DACH2: variants seen among roughly 807,000 people sequenced by gnomAD.
DACH2 encodes the protein dachshund homolog 2.
DACH2 carries 17 observed loss-of-function variants against 35.8 expected under a neutral mutation model. The ratio of observed to expected loss-of-function variants is 0.48; its 90% CI spans 0.33 to 0.71. The LOEUF is 0.71. Among genes scored for constraint, DACH2 ranks in the 30% least tolerant of loss-of-function variants. DACH2 has a pLI of 0.02. For synonymous variants in DACH2, 195 were observed against 177.3 expected (o/e 1.10, Z -0.79); for missense variants, 469 against 472.7 (o/e 0.99, Z 0.07).
chrX:86,710,983 G>T (rs150630191), intron 5 of DACH2, among the ~76,000 whole-genome samples: 1 of 112,046 alleles, frequency 8.9e-6, no homozygotes, highest in African/African-American at 3.2e-5. Context: ...TTTAGATAGA[G>T]GATTACTAAA....
chrX:86,722,186 C>T (rs1359986041), intron 6 of DACH2, among the ~76,000 whole-genome samples: 2 of 111,584 alleles, frequency 1.8e-5, no homozygotes, highest in African/African-American at 6.5e-5. Context: ...TAATGGTTCT[C>T]ATTGTTTTGA....
At chrX:86,348,699 A>G (rs750723938) in intron 1 of DACH2, among the ~76,000 whole-genome samples, 60 of 112,676 alleles carry the variant, frequency 5.3e-4, no homozygotes, top group Non-Finnish European at 1.1e-3. Flanking sequence ...TAAGGTGGAC[A>G]TAACTTATGT....
At chrX:86,222,660 C>T (rs1316647024) in intron 1 of DACH2, among the ~76,000 whole-genome samples, 1 of 110,378 alleles carries the variant, frequency 9.1e-6, no homozygotes, top group Non-Finnish European at 1.9e-5. Context: ...GGTTGGGGAC[C>T]CTCAAAAGGC....
At chrX:86,189,821 T>G in intron 1 of DACH2, among the ~76,000 whole-genome samples, 1 of 111,350 alleles carries the variant, frequency 9.0e-6, no homozygotes. Context: ...TTTTTCCTTT[T>G]TTGAGCTTGT....
At chrX:86,343,540 C>G (rs945964226) in intron 1 of DACH2, among the ~76,000 whole-genome samples, 2 of 111,126 alleles carry the variant, frequency 1.8e-5, no homozygotes, top group Non-Finnish European at 3.8e-5. Flanking sequence ...TTAAAGGCAG[C>G]ATTCTTCTGC....
intron 2 of DACH2, among the ~76,000 whole-genome samples, chrX:86,432,891 C>T (rs750447527): frequency 1.1e-4 from 12 of 111,952 alleles, no homozygotes; most frequent in South Asian, 3.6e-4. Context: ...GGACACAATT[C>T]GGCCACTGGA....
chrX:86,513,721 G>A (rs759797318), intron 2 of DACH2, among the ~76,000 whole-genome samples: 1 of 112,034 alleles, frequency 8.9e-6, no homozygotes, highest in Non-Finnish European at 1.9e-5. Flanking sequence ...TTGTTATACA[G>A]CTTGGTTTAA....
rs773520599 is a variant in DACH2, at chrX:86,434,137, C to T, written c.527+57275C>T. On this transcript the variant is annotated intron_variant, in intron 2 of 11. Transcript: ENST00000373125. ...GAGGATTTCATTCATTAGATGTTAA[C>T]GCTTTAAAAAATATATGAAAGACAC... Among the ~76,000 whole-genome samples the T allele has an allele frequency of 7.1e-5, 8 of 112,049 alleles. 1 individual carries two copies. Among genetic ancestry groups the T allele is most frequent in the Admixed American group, 6.6e-4 (7 of 10,561 alleles).
intron 4 of DACH2, among the ~76,000 whole-genome samples, chrX:86,680,227 C>A (rs2040865590): frequency 8.9e-6 from 1 of 111,908 alleles, no homozygotes; most frequent in African/African-American, 3.2e-5. Context: ...ACTTTTCCAA[C>A]TATTGTAACT....
At chrX:86,590,622 A>C (rs1202358706) in intron 3 of DACH2, among the ~76,000 whole-genome samples, 1 of 111,534 alleles carries the variant, frequency 9.0e-6, no homozygotes, top group Non-Finnish European at 1.9e-5. Context: ...GAGTATGTCT[A>C]GTTTTGTATG....
chrX:86,684,512 A>T (rs904352024), intron 4 of DACH2, among the ~76,000 whole-genome samples: 1 of 111,060 alleles, frequency 9.0e-6, no homozygotes, highest in African/African-American at 3.3e-5. Context: ...GTAGGAAAAT[A>T]AATTATGTAG....
In DACH2 at chrX:86,695,132, G is replaced by T. The variant is rs760493151; in HGVS notation, c.884G>T (p.Gly295Val). 1.8e-6 allele frequency: 2 copies of T among 1,130,638 alleles called. No individual in the cohort carries two copies. Among genetic ancestry groups the T allele is most frequent in the Non-Finnish European group, 2.3e-6 (2 of 854,533 alleles). The allele number at this position is 1,130,638 out of a possible 1,213,427, so 93.2% of individuals were successfully genotyped here. ...AALAGQPGIG[G>V]APTLNPLQQN... ...CTAGCTGGCCAGCCAGGCATTGGGG[G>T]TGCTCCAACCCTCAATCCACTGCAG... Residue 295 changes from glycine to valine, a missense_variant, in exon 5 of 12, where the codon GGT (glycine) becomes GTT (valine). Coordinates refer to ENST00000373125, the MANE Select transcript of DACH2 (RefSeq NM_053281.3).
rs186926003 is a variant in DACH2, at chrX:86,328,615, A to G, written c.489-48209A>G. ...AAAAAGAAAGTTCAAAAGAAAAATGACCTTTGATTTTGAGACCTGGGACTT... is the reference window on the plus strand; with the variant it reads ...AAAAAGAAAGTTCAAAAGAAAAATGGCCTTTGATTTTGAGACCTGGGACTT... On this transcript the variant is annotated intron_variant, in intron 1 of 11. Transcript: ENST00000373125. 7.2e-4 allele frequency among the ~76,000 whole-genome samples: 80 copies of G among 111,810 alleles called. No individual in the cohort carries two copies. The East Asian group carries it at 0.018, about 25-fold the overall frequency.
chrX:86,271,588 G>C (rs1180390588), intron 1 of DACH2, among the ~76,000 whole-genome samples: 2 of 111,271 alleles, frequency 1.8e-5, no homozygotes, highest in Non-Finnish European at 3.8e-5. Flanking sequence ...AGCCATGGGG[G>C]TGCAAATGAA....
At position 86,596,049 on chromosome X, in the gene DACH2, A is replaced by G. The variant is rs766073199; in HGVS notation, c.641-54987A>G. 2.2e-4 allele frequency among the ~76,000 whole-genome samples: 25 copies of G among 111,762 alleles called. No homozygotes were observed. The South Asian group carries it at 9.1e-3, about 41-fold the overall frequency. On this transcript the variant is annotated intron_variant, in intron 3 of 11. Coordinates refer to ENST00000373125, the MANE Select transcript of DACH2 (RefSeq NM_053281.3). ...CTGTACTTGGCATCTTTCATATAAC[A>G]TAATGTTTTCAAGTCTCATCCATGT...
chrX:86,255,626 C>T (rs957250317), intron 1 of DACH2, among the ~76,000 whole-genome samples: 3 of 111,367 alleles, frequency 2.7e-5, no homozygotes, highest in Non-Finnish European at 5.7e-5. Context: ...ACCTAGCACA[C>T]GACCGTGTTT....
intron 3 of DACH2, among the ~76,000 whole-genome samples, chrX:86,626,724 G>A (rs1472260731): frequency 8.9e-6 from 1 of 112,989 alleles, no homozygotes; most frequent in Non-Finnish European, 1.9e-5. Flanking sequence ...AAGGCTTGGG[G>A]CTTGCATCTT....
intron 2 of DACH2, among the ~76,000 whole-genome samples, chrX:86,469,652 C>A (rs1033754773): frequency 1.8e-5 from 2 of 110,592 alleles, no homozygotes; most frequent in Admixed American, 9.7e-5. Context: ...TTCATTCTAA[C>A]CCCCAGTCCC....
intron 3 of DACH2, among the ~76,000 whole-genome samples, chrX:86,526,054 T>C (rs2038627042): frequency 8.9e-6 from 1 of 111,987 alleles, no homozygotes; most frequent in African/African-American, 3.2e-5. Flanking sequence ...CATTGTATAA[T>C]ATGCCTGACA....
Sources: allele counts gnomAD v4.1 joint callset (sites outside exome capture counted in the v4.1 genomes callset), GRCh38; gene constraint gnomAD v4.1.1; transcripts MANE v1.5; gene names NCBI Gene and HGNC (gene_info 2026-07-23, HGNC 2026-07-21).